The following PEBP4 variants were observed in gnomAD, a reference collection of about 807,000 sequenced individuals.
PEBP4 encodes phosphatidylethanolamine-binding protein 4.
Under a neutral mutation model 23.9 loss-of-function variants are expected in PEBP4, and 22 were observed. The ratio of observed to expected loss-of-function variants is 0.92; its 90% confidence interval spans 0.66 to 1.31. PEBP4 has a LOEUF of 1.31. Ranked by LOEUF, PEBP4 falls within the 40% of genes most tolerant of loss-of-function variation. The pLI is 0.00. For synonymous variants in PEBP4, 112 were observed against 99.3 expected (o/e 1.13, Z -0.76); for missense variants, 324 against 281.7 (o/e 1.15, Z -1.07).
At chr8:22,843,262 C>T (rs938364516) in intron 3 of PEBP4, among the ~76,000 whole-genome samples, 1 of 152,238 alleles carries the variant, frequency 6.6e-6, no homozygotes, top group African/African-American at 2.4e-5. Context: ...TGCGCCTGGC[C>T]AGGCCCTGCA....
intron 3 of PEBP4, among the ~76,000 whole-genome samples, chr8:22,910,276 T>C (rs1179171410): frequency 6.6e-6 from 1 of 152,202 alleles, no homozygotes; most frequent in Non-Finnish European, 1.5e-5. Flanking sequence ...AGGGAAAGTG[T>C]TTTGAAAATT....
intron 4 of PEBP4, chr8:22,757,949 G>C (rs1310128595): frequency 6.6e-6 from 1 of 152,242 alleles, no homozygotes; most frequent in Admixed American, 6.5e-5. Flanking sequence ...AGCAGCCGCA[G>C]GTGCGATGAA....
chr8:22,713,840 T>G (rs944895394), intron 6 of PEBP4, among the ~76,000 whole-genome samples: 1 of 148,508 alleles, frequency 6.7e-6, no homozygotes, highest in African/African-American at 2.5e-5. Flanking sequence ...AAAACTGCCT[T>G]CTCGCTCCCG....
intron 6 of PEBP4, among the ~76,000 whole-genome samples, chr8:22,720,264 G>A (rs1488001303): frequency 6.6e-6 from 1 of 152,254 alleles, no homozygotes; most frequent in East Asian, 1.9e-4. Context: ...AGAGACTAGA[G>A]ATGCCAACAG....
chr8:22,899,251 A>T (rs1394353583), intron 3 of PEBP4, among the ~76,000 whole-genome samples: 1 of 152,220 alleles, frequency 6.6e-6, no homozygotes, highest in Admixed American at 6.5e-5. Flanking sequence ...AGACTCAGGG[A>T]GCCAAGGGCT....
At chr8:22,850,184 G>A (rs1277029472) in intron 3 of PEBP4, among the ~76,000 whole-genome samples, 1 of 151,864 alleles carries the variant, frequency 6.6e-6, no homozygotes, top group African/African-American at 2.4e-5. Flanking sequence ...GTGAGTGATT[G>A]AGCTGGGATG....
At chr8:22,793,641 G>T (rs190148855) in intron 4 of PEBP4, among the ~76,000 whole-genome samples, 22 of 152,098 alleles carry the variant, frequency 1.4e-4, no homozygotes, top group African/African-American at 5.3e-4. Flanking sequence ...TGGACAAATT[G>T]GTCATTTCTA....
chr8:22,778,336 G>A (rs1400190743), intron 4 of PEBP4, among the ~76,000 whole-genome samples: 1 of 151,494 alleles, frequency 6.6e-6, no homozygotes, highest in Non-Finnish European at 1.5e-5. Context: ...CCCGGAAGAT[G>A]CCCCACTTAG....
intron 3 of PEBP4, among the ~76,000 whole-genome samples, chr8:22,880,335 G>A (rs953742095): frequency 1.3e-5 from 2 of 152,202 alleles, no homozygotes; most frequent in East Asian, 1.9e-4. Flanking sequence ...AATGACATGA[G>A]AACTTGCTTT....
chr8:22,803,318 T>C (rs563458945), intron 4 of PEBP4, among the ~76,000 whole-genome samples: 1 of 152,248 alleles, frequency 6.6e-6, no homozygotes, highest in South Asian at 2.1e-4. Context: ...CCAGGCCACC[T>C]GTCTTGGCCT....
rs556326401 is a variant in PEBP4, at chr8:22,735,585, G to T, written c.358-8365C>A. 2.6e-5 allele frequency among the ~76,000 whole-genome samples: 4 copies of T among 152,312 alleles called. No homozygotes were observed. In the East Asian group the frequency reaches 7.7e-4, roughly 29 times the overall value. ...GTGCCTCTGATTTCTGAGACTCAAAGCTCTCAGCAACCTAAACCCTGGGTC... is the reference window on the plus strand; with the variant it reads ...GTGCCTCTGATTTCTGAGACTCAAATCTCTCAGCAACCTAAACCCTGGGTC... On this transcript the variant is annotated intron_variant, in intron 4 of 6. Transcript: ENST00000256404.
chr8:22,719,349 T>C (rs1804476096), intron 6 of PEBP4, among the ~76,000 whole-genome samples: 1 of 152,194 alleles, frequency 6.6e-6, no homozygotes, highest in Admixed American at 6.5e-5. Context: ...GAGAGGGGAT[T>C]TCCCCTGCTC....
At chr8:22,760,649 G>T (rs1025222138) in intron 4 of PEBP4, among the ~76,000 whole-genome samples, 63 of 152,152 alleles carry the variant, frequency 4.1e-4, no homozygotes, top group African/African-American at 1.4e-3. Context: ...AAGGAAAGTG[G>T]TTCCTACAGG....
At chr8:22,881,521 C>T (rs1403820633) in intron 3 of PEBP4, among the ~76,000 whole-genome samples, 1 of 152,158 alleles carries the variant, frequency 6.6e-6, no homozygotes, top group Non-Finnish European at 1.5e-5. Flanking sequence ...TGTATGTCCC[C>T]AGTGCCTAGA....
chr8:22,797,314 G>A (rs1470097313), intron 4 of PEBP4, among the ~76,000 whole-genome samples: 3 of 149,944 alleles, frequency 2.0e-5, no homozygotes, highest in Non-Finnish European at 4.4e-5. Flanking sequence ...GAATATCTGA[G>A]TGCAAAAACC....
chr8:22,830,907 C>T (rs1807071890), intron 3 of PEBP4, among the ~76,000 whole-genome samples: 1 of 152,130 alleles, frequency 6.6e-6, no homozygotes, highest in Non-Finnish European at 1.5e-5. Context: ...TTTTCCAAAA[C>T]ACAAATAGAT....
intron 3 of PEBP4, among the ~76,000 whole-genome samples, chr8:22,901,226 A>G (rs1808703577): frequency 6.6e-6 from 1 of 152,224 alleles, no homozygotes; most frequent in African/African-American, 2.4e-5. Context: ...AAGAGAGGCA[A>G]CACGTATTCA....
chr8:22,759,428 A>G (rs1585258068), intron 4 of PEBP4, among the ~76,000 whole-genome samples: 2 of 151,906 alleles, frequency 1.3e-5, no homozygotes, highest in Non-Finnish European at 2.9e-5. Flanking sequence ...CCATGTCCCA[A>G]GTGCCTTCTG....
At chr8:22,769,218 T>C (rs1563210498) in intron 4 of PEBP4, among the ~76,000 whole-genome samples, 2 of 152,184 alleles carry the variant, frequency 1.3e-5, no homozygotes, top group Non-Finnish European at 1.5e-5. Flanking sequence ...GGGCACGCCA[T>C]TGAGGTTGCT....
Sources: gnomAD v4.1 joint callset for allele counts (sites outside exome capture counted in the v4.1 genomes callset) on GRCh38, gnomAD v4.1.1 for gene constraint, MANE v1.5 for transcripts, NCBI Gene and HGNC (gene_info 2026-07-23, HGNC 2026-07-21) for gene names.